Variants in XKR3 observed in about 807,000 individuals in gnomAD.
XKR3 encodes the protein XK related 3, also known as XK-related protein 3.
A neutral mutation model predicts 40.3 loss-of-function variants in XKR3; 27 were observed. That is an observed-to-expected ratio of 0.67 (90% CI 0.49 to 0.92). The LOEUF is 0.92. Among genes scored for constraint, XKR3 ranks in the 40% least tolerant of loss-of-function variants. XKR3 has a pLI of 0.00. For synonymous variants in XKR3, 193 were observed against 195.4 expected (o/e 0.99, Z 0.10); for missense variants, 472 against 537.6 (o/e 0.88, Z 1.21).
At chr22:16,784,734 G>C (rs1295050276) in intron 3 of XKR3, among the ~76,000 whole-genome samples, 2 of 152,038 alleles carry the variant, frequency 1.3e-5, no homozygotes, top group South Asian at 2.1e-4. Flanking sequence ...GATGCTATAA[G>C]GTGTGACAGC....
chr22:16,810,212 T>C (rs767621697), intron 1 of XKR3, among the ~76,000 whole-genome samples: 2 of 152,204 alleles, frequency 1.3e-5, no homozygotes, highest in Non-Finnish European at 2.9e-5. Context: ...CCCAAACTTA[T>C]AGGAGTCTGT....
At chr22:16,811,304 T>G (rs1393293199) in intron 1 of XKR3, among the ~76,000 whole-genome samples, 1 of 151,936 alleles carries the variant, frequency 6.6e-6, no homozygotes, top group African/African-American at 2.4e-5. Flanking sequence ...TTTGGTAATT[T>G]TAGTAGAGAT....
At chr22:16,789,893 T>C (rs970752596) in intron 3 of XKR3, among the ~76,000 whole-genome samples, 2 of 152,160 alleles carry the variant, frequency 1.3e-5, no homozygotes, top group Non-Finnish European at 2.9e-5. Context: ...GTCTCTTCAA[T>C]AAGTGGTGCT....
intron 1 of XKR3, among the ~76,000 whole-genome samples, chr22:16,809,661 C>G (rs1174427687): frequency 6.6e-6 from 1 of 152,198 alleles, no homozygotes; most frequent in African/African-American, 2.4e-5. Flanking sequence ...TTTGAACATT[C>G]CACTTACCTT....
At position 16,783,886 on chromosome 22, in the gene XKR3, C is replaced by G; in HGVS notation, c.1113G>C (p.Leu371=). The part of the protein sequence containing the change: ...VFRFFGGKTL[L]NCCDSLIAVQ... ...CGGCAATTAATGAGTCACAACAATT[C>G]AGCAAAGTTTTCCCTCCAAAGAACC... The change falls in exon 4 of 4, where the codon CTG becomes CTC. Residue 371 remains leucine, a synonymous_variant. Transcript: ENST00000684488. 1 of 1,614,164 alleles carries G rather than the reference C, an allele frequency of 6.2e-7. No individual in the cohort carries two copies. Among genetic ancestry groups the G allele is most frequent in the Non-Finnish European group, 8.5e-7 (1 of 1,180,032 alleles).
At chr22:16,824,204 G>C (rs2146185731) in intron 1 of XKR3, among the ~76,000 whole-genome samples, 1 of 152,216 alleles carries the variant, frequency 6.6e-6, no homozygotes, top group East Asian at 1.9e-4. Context: ...TAAATAAAGA[G>C]AGAAGAGTAC....
At chr22:16,820,367 G>A (rs1474124161) in intron 1 of XKR3, among the ~76,000 whole-genome samples, 1 of 152,188 alleles carries the variant, frequency 6.6e-6, no homozygotes, top group Non-Finnish European at 1.5e-5. Flanking sequence ...AACTGAGTGA[G>A]GAGTCTTGGC....
At chr22:16,784,547 G>C (rs978088112) in intron 3 of XKR3, 138 bp from the exon 4 acceptor site, 19 of 882,514 alleles carry the variant, frequency 2.2e-5, no homozygotes, top group Non-Finnish European at 3.0e-5. Flanking sequence ...AAAAAGAAAG[G>C]TTTGTTAATC....
At chr22:16,798,090 G>A (rs1207032755) in intron 3 of XKR3, among the ~76,000 whole-genome samples, 1 of 148,734 alleles carries the variant, frequency 6.7e-6, no homozygotes, top group Non-Finnish European at 1.5e-5. Flanking sequence ...TGAGGCAGGA[G>A]AATCACTTGA....
rs2060075034 is a variant in XKR3 at position 16,783,609 on chromosome 22, T to C, written c.*10A>G. 1.9e-6 allele frequency: 3 copies of C among 1,550,186 alleles called. No homozygotes were observed. Among genetic ancestry groups the C allele is most frequent in the East Asian group, 2.2e-5 (1 of 44,656 alleles). ...TTACTCATTGTTCTGTGAAAGTATA[T>C]ATGTATATTTTATGAACATGTCATA... On this transcript the variant is annotated 3_prime_UTR_variant, in exon 4 of 4. Coordinates refer to ENST00000684488, the MANE Select transcript of XKR3 (RefSeq NM_001386955.1).
intron 1 of XKR3, among the ~76,000 whole-genome samples, chr22:16,822,412 A>G (rs1202784357): frequency 6.6e-6 from 1 of 152,140 alleles, no homozygotes; most frequent in East Asian, 1.9e-4. Context: ...AATAGAAAAG[A>G]AGACAGATAA....
chr22:16,791,269 C>T (rs2060114474), intron 3 of XKR3, among the ~76,000 whole-genome samples: 1 of 148,828 alleles, frequency 6.7e-6, no homozygotes. Context: ...ACCTGGAAGA[C>T]ATTACGTTGA....
At chr22:16,822,881 G>A (rs2060262372) in intron 1 of XKR3, among the ~76,000 whole-genome samples, 1 of 152,010 alleles carries the variant, frequency 6.6e-6, no homozygotes, top group African/African-American at 2.4e-5. Flanking sequence ...GTTGTGGTGG[G>A]TATTTATTTG....
chr22:16,803,531 A>G (rs2060177729), intron 2 of XKR3, among the ~76,000 whole-genome samples: 2 of 152,224 alleles, frequency 1.3e-5, no homozygotes, highest in African/African-American at 4.8e-5. Context: ...AGGTTTTATA[A>G]TGGCTGCCCT....
At chr22:16,791,417 T>A (rs1312933951) in intron 3 of XKR3, among the ~76,000 whole-genome samples, 7 of 152,020 alleles carry the variant, frequency 4.6e-5, no homozygotes, top group Non-Finnish European at 1.0e-4. Context: ...TATCAAAAGA[T>A]TTATAATTAC....
chr22:16,820,100 T>C (rs1003425070), intron 1 of XKR3, among the ~76,000 whole-genome samples: 3 of 152,112 alleles, frequency 2.0e-5, no homozygotes, highest in Admixed American at 1.3e-4. Context: ...TGTAAAATGG[T>C]AGGGTCAGTC....
At chr22:16,815,301 C>G (rs1569043600) in intron 1 of XKR3, among the ~76,000 whole-genome samples, 1 of 152,040 alleles carries the variant, frequency 6.6e-6, no homozygotes, top group South Asian at 2.1e-4. Flanking sequence ...ATAAATCCTA[C>G]TTGGTTATGA....
chr22:16,801,282 G>A lies in XKR3; in HGVS notation c.336-1258C>T, dbSNP rs533448610. Among the ~76,000 whole-genome samples the A allele has an allele frequency of 3.7e-4, 55 of 150,550 alleles. 1 individual carries two copies. Among genetic ancestry groups the A allele is most frequent in the African/African-American group, 1.3e-3 (53 of 41,410 alleles). On this transcript the variant is annotated intron_variant, in intron 2 of 3. Transcript: ENST00000684488. Reference sequence around the variant, plus strand: ...AGTGTGGCCAGGTTCACTGGCTCATGCCTGGAATCCAGCACTTTGGGAGGT... The same window carrying A: ...AGTGTGGCCAGGTTCACTGGCTCATACCTGGAATCCAGCACTTTGGGAGGT...
intron 2 of XKR3, among the ~76,000 whole-genome samples, chr22:16,803,056 G>T (rs1601845646): frequency 6.9e-6 from 1 of 145,126 alleles, no homozygotes; most frequent in Non-Finnish European, 1.5e-5. Context: ...CCATCTTAAG[G>T]TTGGTAGTGT....
Sources: allele counts gnomAD v4.1 joint callset (sites outside exome capture counted in the v4.1 genomes callset), GRCh38; gene constraint gnomAD v4.1.1; transcripts MANE v1.5; gene names NCBI Gene and HGNC (gene_info 2026-07-23, HGNC 2026-07-21).